The following FYB2 variants were observed in gnomAD, a reference collection of about 807,000 sequenced individuals.
FYB2 encodes FYN-binding protein 2.
In FYB2, 103 loss-of-function variants were observed where a neutral mutation model predicts 94.1. The observed-to-expected ratio is 1.09, with a 90% CI of 0.93 to 1.29. The LOEUF is 1.29. Ranked by LOEUF, FYB2 falls within the 50% of genes most tolerant of loss-of-function variation. FYB2 has a pLI of 0.00. For synonymous variants in FYB2, 293 were observed against 287.9 expected, an observed-to-expected ratio of 1.02 and a Z score of -0.18; for missense variants, 896 against 841.5, an observed-to-expected ratio of 1.06 and a Z score of -0.80.
chr1:56,732,751 G>C (rs961142406), intron 15 of FYB2, among the ~76,000 whole-genome samples: 1 of 152,014 alleles, frequency 6.6e-6, no homozygotes. Flanking sequence ...TCAGTAAATG[G>C]TGCTAGGAAA....
intron 1 of FYB2, among the ~76,000 whole-genome samples, chr1:56,811,517 A>G (rs956564641): frequency 1.3e-5 from 2 of 152,188 alleles, no homozygotes; most frequent in Non-Finnish European, 2.9e-5. Flanking sequence ...TCAACAACCC[A>G]GCCATTGTTG....
intron 6 of FYB2, among the ~76,000 whole-genome samples, chr1:56,757,551 T>A (rs1261867893): frequency 6.6e-6 from 1 of 152,112 alleles, no homozygotes; most frequent in African/African-American, 2.4e-5. Context: ...GAGCATCTGC[T>A]ACTGCAGATA....
At chr1:56,721,231 G>C (rs1211952380) in intron 17 of FYB2, among the ~76,000 whole-genome samples, 2 of 152,004 alleles carry the variant, frequency 1.3e-5, no homozygotes, top group Non-Finnish European at 2.9e-5. Flanking sequence ...CAAATAAATA[G>C]TTCCAGAATA....
At chr1:56,749,048 C>G (rs1490449864) in intron 9 of FYB2, among the ~76,000 whole-genome samples, 1 of 144,138 alleles carries the variant, frequency 6.9e-6, no homozygotes, top group Non-Finnish European at 1.5e-5. Flanking sequence ...AGTCAGAACT[C>G]AGTTGTGTTT....
chr1:56,768,774 A>G (rs916373905), intron 4 of FYB2, among the ~76,000 whole-genome samples: 1 of 152,218 alleles, frequency 6.6e-6, no homozygotes, highest in African/African-American at 2.4e-5. Flanking sequence ...GTCAGAAGGC[A>G]TAACTAATGG....
intron 1 of FYB2, among the ~76,000 whole-genome samples, chr1:56,805,909 T>C (rs1171910416): frequency 6.6e-6 from 1 of 152,176 alleles, no homozygotes; most frequent in African/African-American, 2.4e-5. Context: ...TAAACCCCTT[T>C]TGCTGTATAA....
chr1:56,817,584 C>A (rs1050555192), intron 1 of FYB2, among the ~76,000 whole-genome samples: 2 of 152,208 alleles, frequency 1.3e-5, no homozygotes, highest in African/African-American at 2.4e-5. Flanking sequence ...ACTGCTGCAT[C>A]TGCAGCACCA....
At chr1:56,816,554 A>C (rs1425383551) in intron 1 of FYB2, among the ~76,000 whole-genome samples, 1 of 152,136 alleles carries the variant, frequency 6.6e-6, no homozygotes, top group East Asian at 1.9e-4. Flanking sequence ...CATGGGCACC[A>C]CCTCTTCATG....
intron 4 of FYB2, among the ~76,000 whole-genome samples, chr1:56,779,435 ATCTCATGTGAGTCCCCGC>A (rs1291168827): frequency 7.9e-5 from 12 of 152,278 alleles, no homozygotes; most frequent in Non-Finnish European, 1.6e-4. Context: ...AGGAAAGAGG[ATCTCATGTGAGTCCCCGC>A]TCTCACATGG....
At chr1:56,818,637 G>C (rs1646941561) in intron 1 of FYB2, among the ~76,000 whole-genome samples, 2 of 152,280 alleles carry the variant, frequency 1.3e-5, no homozygotes, top group African/African-American at 4.8e-5. Flanking sequence ...AGCCATCCAA[G>C]GGGCAGGGAA....
intron 15 of FYB2, among the ~76,000 whole-genome samples, chr1:56,732,147 A>T (rs1644725105): frequency 6.6e-6 from 1 of 152,172 alleles, no homozygotes; most frequent in South Asian, 2.1e-4. Flanking sequence ...AGGATACAAA[A>T]TCAACATATA....
intron 1 of FYB2, among the ~76,000 whole-genome samples, chr1:56,802,394 T>G (rs1393166975): frequency 6.6e-6 from 1 of 152,158 alleles, no homozygotes; most frequent in East Asian, 1.9e-4. Context: ...ATAAATACAG[T>G]GCATGGTGTA....
chr1:56,801,850 A>G (rs1272418950), intron 1 of FYB2, among the ~76,000 whole-genome samples: 2 of 152,190 alleles, frequency 1.3e-5, no homozygotes, highest in East Asian at 1.9e-4. Context: ...TTACTTGGGT[A>G]TGTGTAAAAG....
chr1:56,782,481 G>T (rs1201613489), intron 4 of FYB2, among the ~76,000 whole-genome samples: 2 of 151,944 alleles, frequency 1.3e-5, no homozygotes, highest in Admixed American at 6.6e-5. Flanking sequence ...CCTGACACGG[G>T]TCCTAGAGAC....
intron 6 of FYB2, 48 bp downstream of exon 6, chr1:56,758,668 C>T (rs745435439): frequency 2.8e-6 from 4 of 1,425,018 alleles, no homozygotes; most frequent in Non-Finnish European, 3.9e-6. Flanking sequence ...ATCAACCTTG[C>T]ATGCTTATTT....
chr1:56,723,443 T>G, intron 17 of FYB2, 145 bp downstream of exon 17: 1 of 500,186 alleles, frequency 2.0e-6, no homozygotes, highest in Non-Finnish European at 3.5e-6. Context: ...CAGGAAAAAA[T>G]AGGAATGAAA....
At chr1:56,787,795 G>T (rs1334063746) in intron 3 of FYB2, among the ~76,000 whole-genome samples, 1 of 152,200 alleles carries the variant, frequency 6.6e-6, no homozygotes, top group East Asian at 1.9e-4. Context: ...TATGGCAAAA[G>T]ACTTAGTACT....
Position 56,758,768 on chromosome 1 carries a change from A to C in FYB2, c.1064-18T>G, listed in dbSNP as rs758816591. 6.3e-7 allele frequency: 1 copy of C among 1,583,256 alleles called. No homozygotes were observed. Among genetic ancestry groups the C allele is most frequent in the Non-Finnish European group, 8.6e-7 (1 of 1,161,170 alleles). On this transcript the variant is annotated intron_variant, in intron 5 of 19. Coordinates refer to ENST00000343433, the MANE Select transcript of FYB2 (RefSeq NM_001004303.5). Reference sequence around the variant, plus strand: ...ATAAGTTGCTAAAGTAAACATAAAAAAATTATTTCAAGGCAGCTGATCCAC... The same window carrying C: ...ATAAGTTGCTAAAGTAAACATAAAACAATTATTTCAAGGCAGCTGATCCAC...
chr1:56,812,233 T>C (rs1187852761), intron 1 of FYB2, among the ~76,000 whole-genome samples: 1 of 152,218 alleles, frequency 6.6e-6, no homozygotes, highest in African/African-American at 2.4e-5. Flanking sequence ...ATAAGTGATT[T>C]GCTCAAGGTC....
Sources: gnomAD v4.1 joint callset for allele counts (sites outside exome capture counted in the v4.1 genomes callset) on GRCh38, gnomAD v4.1.1 for gene constraint, MANE v1.5 for transcripts, NCBI Gene and HGNC (gene_info 2026-07-23, HGNC 2026-07-21) for gene names.